Variants in LDLRAD1 observed in about 807,000 individuals in gnomAD.
LDLRAD1 encodes low-density lipoprotein receptor class A domain-containing protein 1.
Under a neutral mutation model 24.8 loss-of-function variants are expected in LDLRAD1, and 17 were observed. That is an observed-to-expected ratio of 0.69 (90% CI 0.47 to 1.03). LDLRAD1 has a LOEUF of 1.03. Among genes scored for constraint, LDLRAD1 ranks in the 50% least tolerant of loss-of-function variants. LDLRAD1 has a pLI of 0.00. For synonymous variants in LDLRAD1, 103 were observed against 108.2 expected (o/e 0.95, Z 0.30); for missense variants, 277 against 271.0 (o/e 1.02, Z -0.16).
intron 2 of LDLRAD1, among the ~76,000 whole-genome samples, chr1:54,015,070 G>A (rs1656245530): frequency 6.6e-6 from 1 of 152,174 alleles, no homozygotes; most frequent in South Asian, 2.1e-4. Context: ...CAGAGTAAGT[G>A]TTGAGTATGA....
In LDLRAD1 at chr1:54,010,330, A is replaced by G. The variant is rs1305440726; in HGVS notation, c.421T>C (p.Cys141Arg). 2 of 1,613,926 alleles carry G rather than the reference A, an allele frequency of 1.2e-6. No homozygotes were observed. The highest frequency in any genetic ancestry group is 4.5e-5 in the East Asian group (2 of 44,858). The stretch of plus-strand genomic sequence containing the variant: ...TCCCCGCAGTTGTTAGTGCCATCAC[A>G]TTTTTGGTCTGAGTAGATCCAGGAG... The part of the protein sequence containing the change: ...PASWIYSDQK[C>R]DGTNNCGDCS... Residue 141 changes from cysteine (C) to arginine (R), a missense_variant, in exon 5 of 6, where the codon TGT becomes CGT. By Grantham distance (180) the Cys-to-Arg change is radical. Transcript: ENST00000371360.
At position 54,013,750 on chromosome 1, in the gene LDLRAD1, C is replaced by T. The variant is rs147302524; in HGVS notation, c.202+486G>A. 2.0e-3 allele frequency among the ~76,000 whole-genome samples: 297 copies of T among 152,272 alleles called. 1 individual carries two copies. Among genetic ancestry groups the T allele is most frequent in the African/African-American group, 6.7e-3 (277 of 41,546 alleles). On this transcript the variant is annotated intron_variant, in intron 3 of 5. Coordinates refer to ENST00000371360, the MANE Select transcript of LDLRAD1 (RefSeq NM_001010978.4). Reference sequence around the variant, plus strand: ...GGGACCCCGCTGTAATGTGTATTCACGTCTAGACGGCTCTCGGAACAGTTA... The same window carrying T: ...GGGACCCCGCTGTAATGTGTATTCATGTCTAGACGGCTCTCGGAACAGTTA...
At position 54,012,195 on chromosome 1, in the gene LDLRAD1, A is replaced by G. The variant is rs778474072; in HGVS notation, c.288T>C (p.Cys96=). ...QRSCIPASGV[C]DGVRTCTHGE... is the part of the protein sequence containing the mutation. ...CGTGGGTACAGGTGCGAACGCCATC[A>G]CAGACCCCACTGGCTGGAATGCAGC... Residue 96 remains cysteine, a synonymous_variant, in exon 4 of 6, where the codon TGT becomes TGC. Coordinates refer to ENST00000371360, the MANE Select transcript of LDLRAD1 (RefSeq NM_001010978.4). 1.9e-6 allele frequency: 3 copies of G among 1,614,148 alleles called. No homozygotes were observed. In the South Asian group the frequency reaches 3.3e-5, roughly 18 times the overall value.
Position 54,014,219 on chromosome 1 carries a change from C to T in LDLRAD1, c.202+17G>A, listed in dbSNP as rs757810555. The T allele has an allele frequency of 4.3e-5, 67 of 1,571,778 alleles. No homozygotes were observed. The highest frequency in any genetic ancestry group is 5.4e-5 in the Non-Finnish European group (63 of 1,158,404). Reference sequence around the variant, plus strand: ...CTCCCCGCCGGGTCTGACCCACCCTCTCTTGGCCGCCCTGACCTGGGGTGC... The same window carrying T: ...CTCCCCGCCGGGTCTGACCCACCCTTTCTTGGCCGCCCTGACCTGGGGTGC... On this transcript the variant is annotated intron_variant, in intron 3 of 5. Coordinates refer to ENST00000371360, the MANE Select transcript of LDLRAD1 (RefSeq NM_001010978.4).
chr1:54,012,096 G>T lies in LDLRAD1; in HGVS notation c.340+47C>A, dbSNP rs762577250. 1.9e-6 allele frequency: 3 copies of T among 1,606,768 alleles called. No individual in the cohort carries two copies. In the South Asian group the frequency reaches 3.3e-5, roughly 18 times the overall value. ...TTCAGTATGGATGCCAAGAGCATCGGAGTGTGGGGGAACCCCTGGGAGGGG... is the reference window on the plus strand; with the variant it reads ...TTCAGTATGGATGCCAAGAGCATCGTAGTGTGGGGGAACCCCTGGGAGGGG... On this transcript the variant is annotated intron_variant, in intron 4 of 5. Coordinates refer to ENST00000371360, the MANE Select transcript of LDLRAD1 (RefSeq NM_001010978.4).
chr1:54,012,109 C>A lies in LDLRAD1; in HGVS notation c.340+34G>T, dbSNP rs183780421. On this transcript the variant is annotated intron_variant, in intron 4 of 5. Coordinates refer to ENST00000371360, the MANE Select transcript of LDLRAD1 (RefSeq NM_001010978.4). Reference sequence around the variant, plus strand: ...CCAAGAGCATCGGAGTGTGGGGGAACCCCTGGGAGGGGCAGCACCGAGCGG... The same window carrying A: ...CCAAGAGCATCGGAGTGTGGGGGAAACCCTGGGAGGGGCAGCACCGAGCGG... 4,585 of 1,610,206 alleles carry A rather than the reference C, an allele frequency of 2.8e-3. 11 individuals carry two copies. The highest frequency in any genetic ancestry group is 3.6e-3 in the Non-Finnish European group (4,230 of 1,178,726).
At chr1:54,013,760 G>C (rs1656165551) in intron 3 of LDLRAD1, among the ~76,000 whole-genome samples, 1 of 152,122 alleles carries the variant, frequency 6.6e-6, no homozygotes, top group African/African-American at 2.4e-5. Context: ...CGTCTAGACG[G>C]CTCTCGGAAC....
intron 2 of LDLRAD1, 128 bp downstream of exon 2, chr1:54,017,248 A>G: frequency 1.4e-6 from 1 of 718,238 alleles, no homozygotes; most frequent in Non-Finnish European, 2.4e-6. Context: ...GGGAGCAGAC[A>G]ACGTTAACAT....
chr1:54,008,876 C>CGGTGGTAGGGGT lies in LDLRAD1; in HGVS notation c.*105_*106insACCCCTACCACC. The stretch of plus-strand genomic sequence containing the variant: ...CTATTCAGAAATGATGTGTAGATCC[C>CGGTGGTAGGGGT]ATTTCAAAGGCTGCTTCCTGCCCTT... On this transcript the variant is annotated 3_prime_UTR_variant, in exon 6 of 6. Coordinates refer to ENST00000371360, the MANE Select transcript of LDLRAD1 (RefSeq NM_001010978.4). 1 of 986,044 alleles carries CGGTGGTAGGGGT rather than the reference C, an allele frequency of 1.0e-6. No individual in the cohort carries two copies. The allele number at this position is 986,044 out of a possible 1,614,324, so 61.1% of individuals were successfully genotyped here. A position where few individuals can be genotyped will look rare whatever the true frequency, so the allele number is the denominator to read the frequency against.
In LDLRAD1 at chr1:54,008,349, T is replaced by C. The variant is rs1436322163; in HGVS notation, c.*633A>G. ...GGTACCAAAGGGGTAGGAAGTGGCA[T>C]ATGTTTCACGTATGTGCCATCCATG... On this transcript the variant is annotated 3_prime_UTR_variant, in exon 6 of 6. Coordinates refer to ENST00000371360, the MANE Select transcript of LDLRAD1 (RefSeq NM_001010978.4). 6.6e-6 allele frequency: 1 copy of C among 152,204 alleles called. No individual in the cohort carries two copies. Among genetic ancestry groups the C allele is most frequent in the Non-Finnish European group, 1.5e-5 (1 of 68,070 alleles). The allele number at this position is 152,204 out of a possible 1,614,324, so 9.4% of individuals were successfully genotyped here.
intron 2 of LDLRAD1, among the ~76,000 whole-genome samples, chr1:54,016,231 G>A (rs1656298652): frequency 6.6e-6 from 1 of 152,138 alleles, no homozygotes; most frequent in Admixed American, 6.5e-5. Flanking sequence ...TGTGTATTGG[G>A]AGGGGAGACA....
At chr1:54,011,953 G>A (rs1321695943) in intron 4 of LDLRAD1, among the ~76,000 whole-genome samples, 190 bp downstream of exon 4, 1 of 152,198 alleles carries the variant, frequency 6.6e-6, no homozygotes, top group Non-Finnish European at 1.5e-5. Context: ...ACAGGGTGAA[G>A]GCATTCCTTA....
rs138110122 is a variant in LDLRAD1 at position 54,012,233 on chromosome 1, G to T, written c.250C>A (p.His84Asn). 204 of 1,614,116 alleles carry T rather than the reference G, an allele frequency of 1.3e-4. 1 individual carries two copies. The East Asian group carries it at 4.5e-3, about 36-fold the overall frequency. The change falls in exon 4 of 6, where the codon CAT becomes AAT. Residue 84 changes from histidine (H) to asparagine (N), a missense_variant. His to Asn is a moderately conservative substitution (Grantham distance 68). Coordinates refer to ENST00000371360, the MANE Select transcript of LDLRAD1 (RefSeq NM_001010978.4). ...TLTNRTGFLC[H>N]DQRSCIPASG... ...GCTGGAATGCAGCTCCTCTGGTCAT[G>T]GCACAAGAAGCCTGTCCTGTTTGTC...
chr1:54,014,133 T>C, intron 3 of LDLRAD1, 103 bp downstream of exon 3: 1 of 1,383,720 alleles, frequency 7.2e-7, no homozygotes, highest in Admixed American at 2.1e-5. Context: ...TAGTCCAAAG[T>C]CACCTGGTGG....
At chr1:54,017,466 G>A (rs1158623129) in intron 1 of LDLRAD1, 39 bp from the exon 2 acceptor site, 1 of 1,558,746 alleles carries the variant, frequency 6.4e-7, no homozygotes, top group Non-Finnish European at 8.8e-7. Context: ...GCTTAGGTGA[G>A]GTGAGCTCCA....
At chr1:54,009,430 C>A (rs549488285) in intron 5 of LDLRAD1, among the ~76,000 whole-genome samples, 1 of 152,080 alleles carries the variant, frequency 6.6e-6, no homozygotes, top group African/African-American at 2.4e-5. Flanking sequence ...TGAATGGGTG[C>A]CCTTCCTTAC....
At chr1:54,018,062 A>C in intron 1 of LDLRAD1, 30 bp downstream of exon 1, 3 of 1,583,738 alleles carry the variant, frequency 1.9e-6, no homozygotes, top group Non-Finnish European at 2.6e-6. Flanking sequence ...TCTTACTTGG[A>C]GACAACTCTC....
At chr1:54,014,136 C>G in intron 3 of LDLRAD1, 100 bp downstream of exon 3, 4 of 1,412,736 alleles carry the variant, frequency 2.8e-6, no homozygotes, top group Non-Finnish European at 3.9e-6. Context: ...TCCAAAGTCA[C>G]CTGGTGGAGA....
intron 3 of LDLRAD1, 151 bp from the exon 4 acceptor site, chr1:54,012,431 G>C (rs1261647149): frequency 1.2e-6 from 1 of 807,266 alleles, no homozygotes; most frequent in African/African-American, 1.7e-5. Context: ...AGCCCCAGCT[G>C]TACCCGCTGC....
Sources: allele counts gnomAD v4.1 joint callset (sites outside exome capture counted in the v4.1 genomes callset), GRCh38; gene constraint gnomAD v4.1.1; transcripts MANE v1.5; gene names NCBI Gene and HGNC (gene_info 2026-07-23, HGNC 2026-07-21).